The following TAP1 variants were observed in gnomAD, a reference collection of about 807,000 sequenced individuals.
TAP1 encodes transporter 1, ATP binding cassette subfamily B member, also known as antigen peptide transporter 1.
In TAP1, 56 loss-of-function variants were observed where a neutral mutation model predicts 79.3. The ratio of observed to expected loss-of-function variants is 0.71; its 90% CI spans 0.57 to 0.88. The LOEUF (loss-of-function observed/expected upper bound fraction) is 0.88, where lower values mean the gene tolerates loss of function less well. Ranked by LOEUF, TAP1 falls within the 40% of genes least tolerant of loss-of-function variation. The pLI, the probability that TAP1 is intolerant of heterozygous loss-of-function variation, is 0.00. For synonymous variants in TAP1, 355 were observed against 401.4 expected, an observed-to-expected ratio of 0.88 and a Z score of 1.38; for missense variants, 737 against 936.3, an observed-to-expected ratio of 0.79 and a Z score of 2.78.
In TAP1 at chr6:32,853,385, G is replaced by A. The variant is rs1367721377; in HGVS notation, c.252C>T (p.Ser84=). The A allele has an allele frequency of 6.2e-7, 1 of 1,605,988 alleles. No homozygotes were observed. The highest frequency in any genetic ancestry group is 1.3e-5 in the African/African-American group (1 of 74,792). The part of the protein sequence containing the change: ...GVLRATVGSK[S]ENAGAQGWLA... ...GCCAGCCCTGGGCACCTGCGTTTTC[G>A]CTCTTGGAGCCAACCGTTGCCCTGA... The change falls in exon 1 of 11, where the codon AGC becomes AGT. Residue 84 remains serine, a synonymous_variant. Coordinates refer to ENST00000354258, the MANE Select transcript of TAP1 (RefSeq NM_000593.6). The surrounding 1 kb of genome is among the most constrained non-coding windows in gnomAD (Gnocchi z 8.3).
At position 32,850,890 on chromosome 6, in the gene TAP1, G is replaced by A; in HGVS notation, c.1050+54C>T. ...AAGCAATGTGAGAGGAACTGAGTCT[G>A]CCAAGTCTGGGAGATGAGGGTCTGT... On this transcript the variant is annotated intron_variant, in intron 4 of 10. Transcript: ENST00000354258. This position sits in a 1 kb window ranked among gnomAD's most constrained non-coding sequence, Gnocchi z 5.5. 6.6e-7 allele frequency: 1 copy of A among 1,510,152 alleles called. No individual in the cohort carries two copies. The highest frequency in any genetic ancestry group is 9.2e-7 in the Non-Finnish European group (1 of 1,088,204). 93.5% of individuals were successfully genotyped at this position (1,510,152 alleles called of 1,614,324 possible).
rs930185377 is a variant in TAP1 at position 32,851,922 on chromosome 6, TGTGA to T, written c.844+183_844+186del. Among the ~76,000 whole-genome samples the T allele has an allele frequency of 2.5e-5, 3 of 117,876 alleles. No homozygotes were observed. The highest frequency in any genetic ancestry group is 9.3e-5 in the African/African-American group (3 of 32,136). 77.3% of individuals were successfully genotyped at this position (117,876 alleles called of 152,430 possible). On this transcript the variant is annotated intron_variant, in intron 3 of 10. Coordinates refer to ENST00000354258, the MANE Select transcript of TAP1 (RefSeq NM_000593.6). The surrounding 1 kb of genome is among the most constrained non-coding windows in gnomAD (Gnocchi z 4.8). ...AGAAAAACAATTGTGTGTGTGTGTG[TGTGA>T]GAGAGAGAGAGAGAGAGACAGAGAC...
chr6:32,849,227 A>G, intron 5 of TAP1, 109 bp from the exon 6 acceptor site: 1 of 1,397,072 alleles, frequency 7.2e-7, no homozygotes, highest in Non-Finnish European at 9.8e-7. Flanking sequence ...CTCCTAAGTG[A>G]CATCGGCAGG....
rs1441605630 is a variant in TAP1 at position 32,853,543 on chromosome 6, C to A, written c.94G>T (p.Asp32Tyr). Residue 32 changes from aspartate (D) to tyrosine (Y), a missense_variant, in exon 1 of 11, where the codon GAC (aspartate) becomes TAC (tyrosine). Asp to Tyr is a radical substitution (Grantham distance 160). Around this residue, in one of 5 missense-constraint regions of TAP1, gnomAD observed 45 missense variants for 60.2 expected, o/e 0.75. Coordinates refer to ENST00000354258, the MANE Select transcript of TAP1 (RefSeq NM_000593.6). This position sits in a 1 kb window ranked among gnomAD's most constrained non-coding sequence, Gnocchi z 8.3. Reference sequence around the variant, plus strand: ...AGCGCGGTCCGGAGCAGCACCCAGTCGGCGAGAAGTAGCAGTACTGTCCCC... The same window carrying A: ...AGCGCGGTCCGGAGCAGCACCCAGTAGGCGAGAAGTAGCAGTACTGTCCCC... ...WLGTVLLLLA[D>Y]WVLLRTALPR... is the part of the protein sequence containing the mutation. 1.2e-6 allele frequency: 2 copies of A among 1,610,334 alleles called. No individual in the cohort carries two copies. The highest frequency in any genetic ancestry group is 2.2e-5 in the East Asian group (1 of 44,766).
rs1379690304 is a variant in TAP1, at chr6:32,853,651, C to T, written c.-15G>A. On this transcript the variant is annotated 5_prime_UTR_variant, in exon 1 of 11. Coordinates refer to ENST00000354258, the MANE Select transcript of TAP1 (RefSeq NM_000593.6). The surrounding 1 kb of genome is among the most constrained non-coding windows in gnomAD (Gnocchi z 8.3). ...GAGCTAGCCATTGGCACTCGGACGC[C>T]GTCCCGGTCCCGGCCGGGCCTGGGA... 2 of 1,606,128 alleles carry T rather than the reference C, an allele frequency of 1.2e-6. No individual in the cohort carries two copies. The highest frequency in any genetic ancestry group is 1.7e-5 in the Admixed American group (1 of 59,436).
rs1434428141 is a variant in TAP1 at position 32,847,589 on chromosome 6, C to T, written c.1827G>A (p.Met609Ile). The change falls in exon 9 of 11, where the codon ATG (methionine) becomes ATA (isoleucine). Residue 609 changes from methionine to isoleucine, a missense_variant. Met to Ile is a conservative substitution (Grantham distance 10, BLOSUM62 1). Coordinates refer to ENST00000354258, the MANE Select transcript of TAP1 (RefSeq NM_000593.6). The surrounding 1 kb of genome is among the most constrained non-coding windows in gnomAD (Gnocchi z 4.7). ...IAYGLTQKPT[M>I]EEITAAAVKS... is the part of the protein sequence containing the mutation. ...TTACTGCAGCAGCTGTGATTTCCTC[C>T]ATAGTTGGCTTCTGGGTCAGGCCAT... is the stretch of plus-strand genomic sequence containing the variant. 67 of 1,613,972 alleles carry T rather than the reference C, an allele frequency of 4.2e-5. No individual in the cohort carries two copies. The highest frequency in any genetic ancestry group is 5.5e-5 in the Non-Finnish European group (65 of 1,180,046).
In TAP1 at chr6:32,852,537, TAA is replaced by T. The variant is rs1770856034; in HGVS notation, c.599-37_599-36del. On this transcript the variant is annotated intron_variant, in intron 1 of 10. Coordinates refer to ENST00000354258, the MANE Select transcript of TAP1 (RefSeq NM_000593.6). This position sits in a 1 kb window ranked among gnomAD's most constrained non-coding sequence, Gnocchi z 4.8. ...GAGAAGAGAGGTCACGCACAAATAT[TAA>T]GTCTAAGTAGGTCAGTTCCAGTCAG... The T allele has an allele frequency of 1.2e-6, 2 of 1,612,068 alleles. No homozygotes were observed. Among genetic ancestry groups the T allele is most frequent in the African/African-American group, 1.3e-5 (1 of 74,812 alleles).
Position 32,846,994 on chromosome 6 carries a change from G to C in TAP1, c.2040+74C>G. ...ACTGGTTTGTATAATTATGATGTTAGTAAAACTAACAGAAGATGTATAAAA... is the reference window on the plus strand; with the variant it reads ...ACTGGTTTGTATAATTATGATGTTACTAAAACTAACAGAAGATGTATAAAA... On this transcript the variant is annotated intron_variant, in intron 10 of 10. Transcript: ENST00000354258. The C allele has an allele frequency of 1.9e-6, 3 of 1,597,032 alleles. No homozygotes were observed. In the South Asian group the frequency reaches 3.3e-5, roughly 18 times the overall value.
Position 32,853,595 on chromosome 6 carries a change from G to T in TAP1, c.42C>A (p.Cys14Ter). Residue 14 changes from cysteine (C) to a stop codon, truncating the protein, a stop_gained, in exon 1 of 11, where the codon TGC becomes TGA. Transcript: ENST00000354258. LOFTEE classifies it high-confidence loss of function. The surrounding 1 kb of genome is among the most constrained non-coding windows in gnomAD (Gnocchi z 8.3). ...GCCATGCGAGAGAAGCTCCGGGGAG[G>T]CAGCGGCACCCGCGGGGAGCGGGAC... ...SRCPAPRGCR[C>*]LPGASLAWLG... is the part of the protein sequence containing the mutation. 1 of 1,612,526 alleles carries T rather than the reference G, an allele frequency of 6.2e-7. No individual in the cohort carries two copies. Among genetic ancestry groups the T allele is most frequent in the Non-Finnish European group, 8.5e-7 (1 of 1,179,746 alleles).
Position 32,845,826 on chromosome 6 carries a change from T to A in TAP1, c.2041-41A>T. 1 of 1,565,902 alleles carries A rather than the reference T, an allele frequency of 6.4e-7. No homozygotes were observed. Among genetic ancestry groups the A allele is most frequent in the Non-Finnish European group, 8.7e-7 (1 of 1,148,858 alleles). On this transcript the variant is annotated intron_variant, in intron 10 of 10. Coordinates refer to ENST00000354258, the MANE Select transcript of TAP1 (RefSeq NM_000593.6). The surrounding 1 kb of genome is among the most constrained non-coding windows in gnomAD (Gnocchi z 4.5). ...GGACCGTCAGAGCCGGGGACTACCC[T>A]CAGCCCAGGGAGACACCTGTGTTTC...
In TAP1 at chr6:32,853,124, G is replaced by A. The variant is rs542676984; in HGVS notation, c.513C>T (p.Asn171=). The change falls in exon 1 of 11, where the codon AAC becomes AAT. Residue 171 remains asparagine, a synonymous_variant. Coordinates refer to ENST00000354258, the MANE Select transcript of TAP1 (RefSeq NM_000593.6). This position sits in a 1 kb window ranked among gnomAD's most constrained non-coding sequence, Gnocchi z 8.3. The stretch of plus-strand genomic sequence containing the variant: ...GGCAGCCTAGAAGCCGACGCACAGG[G>A]TTTCCAGAGCCGCCCTGACCGCCGG... The part of the protein sequence containing the change: ...WVPGGQGGSG[N]PVRRLLGCLG... 8.5e-5 allele frequency: 137 copies of A among 1,612,826 alleles called. No individual in the cohort carries two copies. The South Asian group carries it at 1.5e-3, about 17-fold the overall frequency.
At chr6:32,849,517 G>A (rs973377577) in intron 5 of TAP1, 6 of 317,182 alleles carry the variant, frequency 1.9e-5, no homozygotes, top group Admixed American at 4.6e-5. Context: ...CGAAGTGGGC[G>A]GATCACAAGG....
rs573393130 is a variant in TAP1 at position 32,849,324 on chromosome 6, C to T, written c.1249-206G>A. 35 of 645,960 alleles carry T rather than the reference C, an allele frequency of 5.4e-5. No homozygotes were observed. In the African/African-American group the frequency reaches 5.4e-4, roughly 10 times the overall value. 40.0% of individuals were successfully genotyped at this position (645,960 alleles called of 1,614,324 possible). On this transcript the variant is annotated intron_variant, in intron 5 of 10. Coordinates refer to ENST00000354258, the MANE Select transcript of TAP1 (RefSeq NM_000593.6). ...TGCAAGTCACAGTTATCTTCACCACCATCACCACTATCACCTTGTCTGGGG... is the reference window on the plus strand; with the variant it reads ...TGCAAGTCACAGTTATCTTCACCACTATCACCACTATCACCTTGTCTGGGG...
At chr6:32,848,278 G>A in intron 7 of TAP1, 186 bp from the exon 8 acceptor site, 1 of 743,712 alleles carries the variant, frequency 1.3e-6, no homozygotes, top group Non-Finnish European at 2.2e-6. Flanking sequence ...AGAAGAAGCG[G>A]CAAAGACAAG....
chr6:32,845,875 G>T lies in TAP1; in HGVS notation c.2041-90C>A. On this transcript the variant is annotated intron_variant, in intron 10 of 10. Transcript: ENST00000354258. This position sits in a 1 kb window ranked among gnomAD's most constrained non-coding sequence, Gnocchi z 4.5. ...TCCAGGGCTGGGACTGACCTCACAG[G>T]ATCACTGCTGGCTCTGCTAACAACC... 2 of 1,095,906 alleles carry T rather than the reference G, an allele frequency of 1.8e-6. No individual in the cohort carries two copies. Among genetic ancestry groups the T allele is most frequent in the Non-Finnish European group, 2.7e-6 (2 of 742,052 alleles). The allele number at this position is 1,095,906 out of a possible 1,614,324, so 67.9% of individuals were successfully genotyped here.
chr6:32,853,036 T>C lies in TAP1; in HGVS notation c.598+3A>G. 1 of 1,611,308 alleles carries C rather than the reference T, an allele frequency of 6.2e-7. No homozygotes were observed. Among genetic ancestry groups the C allele is most frequent in the Non-Finnish European group, 8.5e-7 (1 of 1,179,924 alleles). On this transcript the variant is annotated splice_donor_region_variant and intron_variant, in intron 1 of 10. Coordinates refer to ENST00000354258, the MANE Select transcript of TAP1 (RefSeq NM_000593.6). The surrounding 1 kb of genome is among the most constrained non-coding windows in gnomAD (Gnocchi z 8.3). ...CTCCCCTCTTGCCCTGCGTTCCCCT[T>C]ACCAAGAGAGGAGAGGACCACCAGG...
chr6:32,847,476 A>G lies in TAP1; in HGVS notation c.1903+37T>C. On this transcript the variant is annotated intron_variant, in intron 9 of 10. Coordinates refer to ENST00000354258, the MANE Select transcript of TAP1 (RefSeq NM_000593.6). This position sits in a 1 kb window ranked among gnomAD's most constrained non-coding sequence, Gnocchi z 4.7. ...AGACTACTGGGGTTTCAGCAAAGGTAAAGATGGCTGGGTGGTGAGATGAGT... is the reference window on the plus strand; with the variant it reads ...AGACTACTGGGGTTTCAGCAAAGGTGAAGATGGCTGGGTGGTGAGATGAGT... 1 of 1,612,756 alleles carries G rather than the reference A, an allele frequency of 6.2e-7. No individual in the cohort carries two copies. Among genetic ancestry groups the G allele is most frequent in the Non-Finnish European group, 8.5e-7 (1 of 1,179,956 alleles).
At position 32,853,515 on chromosome 6, in the gene TAP1, G is replaced by T. The variant is rs768083092; in HGVS notation, c.122C>A (p.Pro41His). Reference sequence around the variant, plus strand: ...GGGCACCAGCAGGGAGAATATGCGGGGCAGCGCGGTCCGGAGCAGCACCCA... The same window carrying T: ...GGGCACCAGCAGGGAGAATATGCGGTGCAGCGCGGTCCGGAGCAGCACCCA... Reference protein sequence around the residue: ...ADWVLLRTALPRIFSLLVPTA... With the variant: ...ADWVLLRTALHRIFSLLVPTA... Residue 41 changes from proline to histidine, a missense_variant, in exon 1 of 11, where the codon CCC (proline) becomes CAC (histidine). Pro to His is a moderately conservative substitution (Grantham distance 77). Around this residue, in one of 5 missense-constraint regions of TAP1, gnomAD observed 45 missense variants for 60.2 expected, o/e 0.75. Coordinates refer to ENST00000354258, the MANE Select transcript of TAP1 (RefSeq NM_000593.6). This position sits in a 1 kb window ranked among gnomAD's most constrained non-coding sequence, Gnocchi z 8.3. The T allele has an allele frequency of 2.5e-6, 4 of 1,609,760 alleles. No homozygotes were observed. Among genetic ancestry groups the T allele is most frequent in the Non-Finnish European group, 2.5e-6 (3 of 1,177,546 alleles).
chr6:32,850,055 T>C lies in TAP1; in HGVS notation c.1248+265A>G. ...TCCCCTGAGAGGCAAAGGAAGGCCC[T>C]AGGACTGGAAGACACGCATCTCTCC... is the stretch of plus-strand genomic sequence containing the variant. On this transcript the variant is annotated intron_variant, in intron 5 of 10. Transcript: ENST00000354258. The surrounding 1 kb of genome is among the most constrained non-coding windows in gnomAD (Gnocchi z 5.5). 1 of 574,204 alleles carries C rather than the reference T, an allele frequency of 1.7e-6. No homozygotes were observed. Among genetic ancestry groups the C allele is most frequent in the Non-Finnish European group, 3.1e-6 (1 of 320,580 alleles). The allele number at this position is 574,204 out of a possible 1,614,324, so 35.6% of individuals were successfully genotyped here.
Sources: allele counts gnomAD v4.1 joint callset (sites outside exome capture counted in the v4.1 genomes callset), GRCh38; gene constraint gnomAD v4.1.1; regional missense constraint gnomAD v4.1.1; non-coding constraint Gnocchi (gnomAD v3.1); transcripts MANE v1.5; gene names NCBI Gene and HGNC (gene_info 2026-07-23, HGNC 2026-07-21).